The following FBXO34 variants were observed in gnomAD, a reference collection of about 807,000 sequenced individuals.
The protein encoded by FBXO34 is F-box only protein 34.
In FBXO34, 12 loss-of-function variants were observed where a neutral mutation model predicts 24.5. That is an observed-to-expected ratio of 0.49 (90% CI 0.31 to 0.79). FBXO34 has a LOEUF of 0.79. Among genes scored for constraint, FBXO34 ranks in the 30% least tolerant of loss-of-function variants. The probability of loss-of-function intolerance (pLI) is 0.04; values close to 1 mark genes in which losing one functional copy is unlikely to be tolerated. For synonymous variants in FBXO34, 320 were observed against 311.9 expected (o/e 1.03, Z -0.27); for missense variants, 823 against 857.7 (o/e 0.96, Z 0.51).
chr14:55,308,141 C>T (rs777206605), intron 1 of FBXO34, among the ~76,000 whole-genome samples: 1 of 152,160 alleles, frequency 6.6e-6, no homozygotes, highest in African/African-American at 2.4e-5. Context: ...ATTAGTAGTG[C>T]GAGAACAGAC....
downstream of FBXO34, chr14:55,368,525 ATTCT>A (rs1454839582): frequency 3.3e-5 from 5 of 152,318 alleles, no homozygotes; most frequent in Admixed American, 6.5e-5. Flanking sequence ...TGGCTGGGAA[ATTCT>A]TTCTTTATAT....
In FBXO34 at chr14:55,329,993, C is replaced by T. The variant is rs544482331; in HGVS notation, c.-10-20388C>T. 9.2e-5 allele frequency among the ~76,000 whole-genome samples: 14 copies of T among 152,066 alleles called. No homozygotes were observed. The South Asian group carries it at 2.9e-3, about 32-fold the overall frequency. On this transcript the variant is annotated intron_variant, in intron 1 of 1. Transcript: ENST00000313833. ...CTTTTCTGTCTTCCCAAATGAGGAC[C>T]TGTGGAGGGCATTTATCTGTAGTTT...
Position 55,351,978 on chromosome 14 carries a change from C to T in FBXO34, c.1588C>T (p.Pro530Ser). ...TGAGGAAAAAAGTGGGTCTGCTGAG[C>T]CATTTGTACTGCCAGCCTCTTCTGT... ...ASEEKSGSAEPFVLPASSVES... is the reference protein window; with the variant it reads ...ASEEKSGSAESFVLPASSVES... Residue 530 changes from proline to serine, a missense_variant, in exon 2 of 2, where the codon CCA becomes TCA. By Grantham distance (74) the Pro-to-Ser change is moderately conservative. Coordinates refer to ENST00000313833, the MANE Select transcript of FBXO34 (RefSeq NM_017943.4). 1 of 1,614,070 alleles carries T rather than the reference C, an allele frequency of 6.2e-7. No individual in the cohort carries two copies. The highest frequency in any genetic ancestry group is 8.5e-7 in the Non-Finnish European group (1 of 1,180,004).
chr14:55,303,134 T>C (rs1026334783), intron 1 of FBXO34, among the ~76,000 whole-genome samples: 6 of 152,238 alleles, frequency 3.9e-5, no homozygotes, highest in Non-Finnish European at 7.3e-5. Flanking sequence ...AGGCCTTTTT[T>C]TTTTTTAGCA....
intron 1 of FBXO34, among the ~76,000 whole-genome samples, chr14:55,306,684 C>G (rs973956865): frequency 2.6e-5 from 4 of 152,020 alleles, no homozygotes; most frequent in Non-Finnish European, 4.4e-5. Flanking sequence ...AATACAAAAA[C>G]TAGCCAGACG....
In FBXO34 at chr14:55,340,401, C is replaced by CT. The variant is rs10717969; in HGVS notation, c.-10-9965dup. The stretch of plus-strand genomic sequence containing the variant: ...TACAAATACAGGCCATCATGCTTGG[C>CT]TTTTTTTTTTTTTTTGAATGGGGGT... On this transcript the variant is annotated intron_variant, in intron 1 of 1. Transcript: ENST00000313833. Among the ~76,000 whole-genome samples, 282 of 141,384 alleles carry CT rather than the reference C, an allele frequency of 2.0e-3. 1 individual carries two copies. Among genetic ancestry groups the CT allele is most frequent in the African/African-American group, 5.3e-3 (201 of 38,152 alleles). The allele number at this position is 141,384 out of a possible 152,430, so 92.8% of individuals were successfully genotyped here.
the FBXO34 span, among the ~76,000 whole-genome samples, chr14:55,418,537 G>A: frequency 6.6e-6 from 1 of 152,092 alleles, no homozygotes; most frequent in Non-Finnish European, 1.5e-5. Context: ...CTATTAGTTG[G>A]GGGTTACTGT....
At chr14:55,431,436 A>G in the FBXO34 span, among the ~76,000 whole-genome samples, 58 of 152,316 alleles carry the variant, frequency 3.8e-4, no homozygotes, top group Admixed American at 7.8e-4. Flanking sequence ...AACTTAATAC[A>G]ATGTGACCAT....
In FBXO34 at chr14:55,308,365, C is replaced by G. The variant is rs191562544; in HGVS notation, c.-11+36828C>G. Among the ~76,000 whole-genome samples the G allele has an allele frequency of 2.7e-3, 415 of 152,246 alleles. 1 individual carries two copies. Among genetic ancestry groups the G allele is most frequent in the Admixed American group, 4.6e-3 (70 of 15,286 alleles). On this transcript the variant is annotated intron_variant, in intron 1 of 1. Transcript: ENST00000313833. Reference sequence around the variant, plus strand: ...TGAAATAAACCAGTATTTGATGATACTTAAAGTACACTAAGGAAAAAGAAT... The same window carrying G: ...TGAAATAAACCAGTATTTGATGATAGTTAAAGTACACTAAGGAAAAAGAAT...
chr14:55,440,110 C>CAATCAATT, the FBXO34 span, among the ~76,000 whole-genome samples: 1 of 151,836 alleles, frequency 6.6e-6, no homozygotes, highest in African/African-American at 2.4e-5. Flanking sequence ...ATCAATCAAT[C>CAATCAATT]AATCAATCAA....
At chr14:55,413,452 G>A in the FBXO34 span, 2 of 193,924 alleles carry the variant, frequency 1.0e-5, no homozygotes, top group African/African-American at 4.7e-5. Flanking sequence ...TGAGGTTTTT[G>A]GATACAAAAT....
the FBXO34 span, among the ~76,000 whole-genome samples, chr14:55,440,800 T>G: frequency 6.6e-6 from 1 of 151,990 alleles, no homozygotes; most frequent in African/African-American, 2.4e-5. Context: ...CGCAATGTGG[T>G]CTTTGCTCCC....
chr14:55,286,770 T>A (rs919915145), intron 1 of FBXO34, among the ~76,000 whole-genome samples: 1 of 152,160 alleles, frequency 6.6e-6, no homozygotes, highest in Admixed American at 6.6e-5. Context: ...GTATCTCTTA[T>A]CTTACATGCT....
intron 1 of FBXO34, among the ~76,000 whole-genome samples, chr14:55,324,023 C>T (rs1046778639): frequency 6.6e-6 from 1 of 152,084 alleles, no homozygotes; most frequent in Non-Finnish European, 1.5e-5. Context: ...AATTATAGAA[C>T]ATTTTTGTCA....
intron 1 of FBXO34, among the ~76,000 whole-genome samples, chr14:55,275,949 C>T (rs990498968): frequency 6.5e-5 from 9 of 138,786 alleles, no homozygotes; most frequent in African/African-American, 2.7e-4. Flanking sequence ...CTTATCATAG[C>T]CCAAGACAGA....
chr14:55,338,081 G>A (rs1461050529), intron 1 of FBXO34, among the ~76,000 whole-genome samples: 4 of 60,858 alleles, frequency 6.6e-5, no homozygotes, highest in Non-Finnish European at 9.4e-5. Context: ...ATGGAGTCTC[G>A]CTCTGTCGCC....
intron 1 of FBXO34, among the ~76,000 whole-genome samples, chr14:55,293,540 A>G (rs1040873143): frequency 1.3e-5 from 2 of 152,044 alleles, no homozygotes; most frequent in Non-Finnish European, 2.9e-5. Context: ...AGAGACTTTG[A>G]GATACTTTGA....
chr14:55,353,797 C>T (rs770296943), downstream of FBXO34, among the ~76,000 whole-genome samples: 5 of 152,134 alleles, frequency 3.3e-5, no homozygotes, highest in Non-Finnish European at 7.4e-5. Context: ...TCAGTTCTTC[C>T]GTTTGTTGTC....
intron 1 of FBXO34, among the ~76,000 whole-genome samples, chr14:55,341,333 A>G (rs1883984989): frequency 6.6e-6 from 1 of 152,192 alleles, no homozygotes; most frequent in Non-Finnish European, 1.5e-5. Flanking sequence ...GTCTTTTGCT[A>G]AAACTGGATT....
Sources: allele counts gnomAD v4.1 joint callset (sites outside exome capture counted in the v4.1 genomes callset), GRCh38; gene constraint gnomAD v4.1.1; transcripts MANE v1.5; gene names NCBI Gene and HGNC (gene_info 2026-07-23, HGNC 2026-07-21).